MGLL: variants seen among roughly 807,000 people sequenced by gnomAD.
The protein encoded by MGLL is lysophospholipase homolog.
A neutral mutation model predicts 29.1 loss-of-function variants in MGLL; 7 were observed. The ratio of observed to expected loss-of-function variants is 0.24; its 90% CI spans 0.14 to 0.45. MGLL has a LOEUF of 0.45. Among genes scored for constraint, MGLL ranks in the 20% least tolerant of loss-of-function variants. The pLI is 0.99. For synonymous variants in MGLL, 148 were observed against 168.3 expected (o/e 0.88, Z 0.93); for missense variants, 356 against 413.6 (o/e 0.86, Z 1.21).
At chr3:127,735,042 C>G (rs566481994) in intron 3 of MGLL, among the ~76,000 whole-genome samples, 1 of 152,208 alleles carries the variant, frequency 6.6e-6, no homozygotes, top group Non-Finnish European at 1.5e-5. Flanking sequence ...AGGAGCCCGA[C>G]GTGGGAGTCT....
chr3:127,716,448 A>C (rs1470410596), intron 5 of MGLL, among the ~76,000 whole-genome samples: 1 of 152,258 alleles, frequency 6.6e-6, no homozygotes, highest in Non-Finnish European at 1.5e-5. Flanking sequence ...AATGTCATTC[A>C]AAGTAGAGAC....
intron 3 of MGLL, among the ~76,000 whole-genome samples, chr3:127,770,274 A>G (rs1385656838): frequency 6.6e-6 from 1 of 152,078 alleles, no homozygotes; most frequent in African/African-American, 2.4e-5. Context: ...CTCCCACCTC[A>G]GCCTCCCACA....
At chr3:127,760,231 T>A (rs1279619547) in intron 3 of MGLL, among the ~76,000 whole-genome samples, 1 of 152,136 alleles carries the variant, frequency 6.6e-6, no homozygotes, top group Non-Finnish European at 1.5e-5. Flanking sequence ...AACATACAGA[T>A]GGGAAATCTG....
At chr3:127,816,300 G>A (rs1352518045) in intron 2 of MGLL, among the ~76,000 whole-genome samples, 1 of 152,122 alleles carries the variant, frequency 6.6e-6, no homozygotes, top group Non-Finnish European at 1.5e-5. Flanking sequence ...CTGGAACACT[G>A]AACAAACACC....
chr3:127,793,218 C>T (rs781184399), intron 2 of MGLL, among the ~76,000 whole-genome samples: 12 of 152,190 alleles, frequency 7.9e-5, no homozygotes, highest in Non-Finnish European at 1.2e-4. Flanking sequence ...TCAGCAGCTC[C>T]CAGGCCACAT....
intron 6 of MGLL, among the ~76,000 whole-genome samples, chr3:127,700,483 C>T (rs1203827721): frequency 6.6e-6 from 1 of 152,212 alleles, no homozygotes; most frequent in Non-Finnish European, 1.5e-5. Context: ...CTCACTTGGC[C>T]TGGTCTGCAA....
In MGLL at chr3:127,692,129, T is replaced by A; in HGVS notation, c.*69A>T. The A allele has an allele frequency of 3.7e-6, 4 of 1,072,286 alleles. No homozygotes were observed. Among genetic ancestry groups the A allele is most frequent in the Non-Finnish European group, 5.5e-6 (4 of 722,420 alleles). The allele number at this position is 1,072,286 out of a possible 1,614,324, so 66.4% of individuals were successfully genotyped here. A position where few individuals can be genotyped will look rare whatever the true frequency, so the allele number is the denominator to read the frequency against. On this transcript the variant is annotated 3_prime_UTR_variant, in exon 8 of 8. Transcript: ENST00000265052. ...TTTTTTTTTTTTGGCAAGCCATATC[T>A]GAGAAGCCATCTCTGCCCTTCCCCT... is the stretch of plus-strand genomic sequence containing the variant.
intron 3 of MGLL, among the ~76,000 whole-genome samples, chr3:127,752,992 A>G (rs1244725474): frequency 6.6e-6 from 1 of 152,168 alleles, no homozygotes; most frequent in Non-Finnish European, 1.5e-5. Flanking sequence ...TTCTGAGTCA[A>G]TGGTCCTGCA....
intron 5 of MGLL, chr3:127,710,964 G>T (rs2075700023): frequency 2.3e-6 from 1 of 427,922 alleles, no homozygotes; most frequent in Non-Finnish European, 4.4e-6. Context: ...ATCGCTCATG[G>T]GTTGTAATTT....
intron 3 of MGLL, among the ~76,000 whole-genome samples, chr3:127,726,137 A>AAAG (rs2076028773): frequency 4.1e-5 from 1 of 24,564 alleles, no homozygotes; most frequent in South Asian, 9.8e-4. Flanking sequence ...AGAAAGAAAG[A>AAAG]AAGAAAGAAA....
chr3:127,735,675 TGGG>T (rs2076229245), intron 3 of MGLL: 1 of 1,583,110 alleles, frequency 6.3e-7, no homozygotes, highest in Non-Finnish European at 8.6e-7. Context: ...ATCAAGTTGT[TGGG>T]GGAATAAATG....
rs782444 is a variant in MGLL at position 127,691,098 on chromosome 3, T to C, written c.*1100A>G. The C allele has an allele frequency of 0.52, 79,533 of 152,570 alleles. 21,092 individuals are homozygous for C. Among genetic ancestry groups the C allele is most frequent in the East Asian group, 0.67 (3,455 of 5,138 alleles). The allele number at this position is 152,570 out of a possible 1,614,324, so 9.5% of individuals were successfully genotyped here. ...ACACTCCCAGGGTAGCTCTGGGCCA[T>C]AGGCAGGCCCAGGCCCAGGCCTAGG... On this transcript the variant is annotated 3_prime_UTR_variant, in exon 8 of 8. Transcript: ENST00000265052.
At chr3:127,777,589 G>T (rs2077056587) in intron 3 of MGLL, among the ~76,000 whole-genome samples, 1 of 152,210 alleles carries the variant, frequency 6.6e-6, no homozygotes, top group Non-Finnish European at 1.5e-5. Flanking sequence ...AGAACATGAG[G>T]CTGGAGGTAG....
At chr3:127,769,631 C>G (rs1205388689) in intron 3 of MGLL, among the ~76,000 whole-genome samples, 1 of 152,220 alleles carries the variant, frequency 6.6e-6, no homozygotes, top group Non-Finnish European at 1.5e-5. Context: ...CCTGAGCTGC[C>G]AGCCCGGGTG....
intron 2 of MGLL, among the ~76,000 whole-genome samples, chr3:127,806,513 A>AATGGATGG (rs535637186): frequency 6.6e-6 from 1 of 151,828 alleles, no homozygotes; most frequent in East Asian, 1.9e-4. Flanking sequence ...TGAACGAATG[A>AATGGATGG]ATGGATGGAT....
At chr3:127,776,980 G>C (rs2077047203) in intron 3 of MGLL, among the ~76,000 whole-genome samples, 1 of 152,036 alleles carries the variant, frequency 6.6e-6, no homozygotes, top group South Asian at 2.1e-4. Flanking sequence ...TTGGCCTAAA[G>C]GAATAGTTCC....
At chr3:127,704,588 A>G (rs2075562474) in intron 6 of MGLL, among the ~76,000 whole-genome samples, 1 of 152,372 alleles carries the variant, frequency 6.6e-6, no homozygotes, top group South Asian at 2.1e-4. Flanking sequence ...AAGGATATGA[A>G]TAGACACTTT....
intron 5 of MGLL, among the ~76,000 whole-genome samples, chr3:127,720,123 A>G (rs940901755): frequency 6.6e-5 from 10 of 152,342 alleles, no homozygotes; most frequent in Non-Finnish European, 1.2e-4. Flanking sequence ...TAATGTCATT[A>G]TTTAAATGAT....
intron 3 of MGLL, among the ~76,000 whole-genome samples, chr3:127,780,022 AC>A (rs1333661362): frequency 1.3e-5 from 2 of 152,216 alleles, no homozygotes; most frequent in East Asian, 3.8e-4. Flanking sequence ...AGAGCTTGAA[AC>A]AGGTGAACAC....
Sources: allele counts gnomAD v4.1 joint callset (sites outside exome capture counted in the v4.1 genomes callset), GRCh38; gene constraint gnomAD v4.1.1; transcripts MANE v1.5; gene names NCBI Gene and HGNC (gene_info 2026-07-23, HGNC 2026-07-21).